Variants in CAP2 observed in about 807,000 individuals in gnomAD.
CAP2 encodes the protein cyclase associated actin cytoskeleton regulatory protein 2.
A neutral mutation model predicts 57.7 loss-of-function variants in CAP2; 24 were observed. The observed-to-expected ratio is 0.42, with a 90% CI of 0.30 to 0.58. The LOEUF (loss-of-function observed/expected upper bound fraction) is 0.58. Ranked by LOEUF, CAP2 falls within the 20% of genes least tolerant of loss-of-function variation. The pLI, the probability that CAP2 is intolerant of heterozygous loss-of-function variation, is 0.22. For missense variants in CAP2, 501 were observed against 590.3 expected, an observed-to-expected ratio of 0.85 and a Z score of 1.57; for synonymous variants, 194 against 207.2, an observed-to-expected ratio of 0.94 and a Z score of 0.55.
intron 6 of CAP2, among the ~76,000 whole-genome samples, chr6:17,509,006 C>A (rs1376085687): frequency 6.6e-6 from 1 of 152,134 alleles, no homozygotes; most frequent in Non-Finnish European, 1.5e-5. Flanking sequence ...CCGCCCACCT[C>A]AGCCTCCCAA....
At chr6:17,444,803 TCCACACACAC>T (rs1269469053) in intron 3 of CAP2, among the ~76,000 whole-genome samples, 1 of 76,522 alleles carries the variant, frequency 1.3e-5, no homozygotes, top group African/African-American at 4.5e-5. Flanking sequence ...TTTCTCTCTC[TCCACACACAC>T]ACACACACAC....
At chr6:17,471,574 T>C (rs1012536831) in intron 4 of CAP2, among the ~76,000 whole-genome samples, 1 of 152,204 alleles carries the variant, frequency 6.6e-6, no homozygotes, top group Non-Finnish European at 1.5e-5. Context: ...GGCTCAAGCC[T>C]GTAATCCCAG....
chr6:17,426,115 CAAAA>C (rs993664490), intron 2 of CAP2, among the ~76,000 whole-genome samples: 7 of 151,326 alleles, frequency 4.6e-5, no homozygotes, highest in African/African-American at 1.7e-4. Flanking sequence ...AACAAACAAA[CAAAA>C]AAACCAAACA....
In CAP2 at chr6:17,406,398, C is replaced by CTTTTTTTTTTTTTTTTTTTTTTTTTTTTT. The variant is rs777803474; in HGVS notation, c.-2+12667_-2+12668insTTTTTTTTTTTTTTTTTTTTTTTTTTTTT. The stretch of plus-strand genomic sequence containing the variant: ...CTTTTCTGTCAGTAAGCCCAGATTT[C>CTTTTTTTTTTTTTTTTTTTTTTTTTTTTT]TTTTTTTTTTTTTTTGAGGCAGTCT... On this transcript the variant is annotated intron_variant, in intron 1 of 12. Coordinates refer to ENST00000229922, the MANE Select transcript of CAP2 (RefSeq NM_006366.3). Among the ~76,000 whole-genome samples, 12 of 102,474 alleles carry CTTTTTTTTTTTTTTTTTTTTTTTTTTTTT rather than the reference C, an allele frequency of 1.2e-4. 4 individuals are homozygous for CTTTTTTTTTTTTTTTTTTTTTTTTTTTTT. Among genetic ancestry groups the CTTTTTTTTTTTTTTTTTTTTTTTTTTTTT allele is most frequent in the African/African-American group, 6.5e-4 (11 of 17,006 alleles). 67.2% of individuals were successfully genotyped at this position (102,474 alleles called of 152,430 possible).
rs188676337 is a variant in CAP2, at chr6:17,453,519, G to T, written c.223-9477G>T. ...CCCGTAATTAATTTTCAGTCACGTT[G>T]CCTTGACCACAGTGAACGGAATCCT... is the stretch of plus-strand genomic sequence containing the variant. On this transcript the variant is annotated intron_variant, in intron 3 of 12. Transcript: ENST00000229922. Among the ~76,000 whole-genome samples, 581 of 152,250 alleles carry T rather than the reference G, an allele frequency of 3.8e-3. 5 individuals are homozygous for T. Among genetic ancestry groups the T allele is most frequent in the Non-Finnish European group, 3.6e-3 (246 of 68,026 alleles).
At chr6:17,503,077 G>C (rs1267351517) in intron 4 of CAP2, among the ~76,000 whole-genome samples, 1 of 152,176 alleles carries the variant, frequency 6.6e-6, no homozygotes, top group Non-Finnish European at 1.5e-5. Context: ...GTGTTTAGAG[G>C]GGTTTTTGTT....
chr6:17,451,078 A>G (rs1245609967), intron 3 of CAP2, among the ~76,000 whole-genome samples: 3 of 152,146 alleles, frequency 2.0e-5, no homozygotes, highest in African/African-American at 7.2e-5. Flanking sequence ...ACACATGGAC[A>G]CTTCAGAAAG....
chr6:17,443,018 G>A (rs1760135020), intron 3 of CAP2, among the ~76,000 whole-genome samples: 1 of 151,922 alleles, frequency 6.6e-6, no homozygotes, highest in Non-Finnish European at 1.5e-5. Flanking sequence ...GCCCCGGCTG[G>A]CCCCATCACT....
rs1759192872 is a variant in CAP2, at chr6:17,413,456, T to A, written c.-1-8099T>A. 1.3e-5 allele frequency among the ~76,000 whole-genome samples: 2 copies of A among 152,192 alleles called. 1 individual carries two copies. The highest frequency in any genetic ancestry group is 2.9e-5 in the Non-Finnish European group (2 of 68,030). ...TAGTTAAACAGCTTCCTGGCTTGAC[T>A]GAGCAGGGTTTGCTTTCAGCCCCCT... On this transcript the variant is annotated intron_variant, in intron 1 of 12. Transcript: ENST00000229922.
At chr6:17,453,483 T>G (rs772044641) in intron 3 of CAP2, among the ~76,000 whole-genome samples, 7 of 152,332 alleles carry the variant, frequency 4.6e-5, no homozygotes, top group Non-Finnish European at 1.0e-4. Context: ...CCCTCACCAG[T>G]AAAGTCAGCT....
intron 7 of CAP2, chr6:17,531,132 G>A: frequency 1.3e-6 from 1 of 762,876 alleles, no homozygotes; most frequent in Non-Finnish European, 2.4e-6. Context: ...AGCCTCATCT[G>A]TCAAAGCAAT....
At chr6:17,418,490 G>A (rs1023027909) in intron 1 of CAP2, among the ~76,000 whole-genome samples, 1 of 151,968 alleles carries the variant, frequency 6.6e-6, no homozygotes, top group Non-Finnish European at 1.5e-5. Flanking sequence ...TTCAACATAC[G>A]GAGCACTATG....
chr6:17,488,141 C>G (rs1761462862), intron 4 of CAP2, among the ~76,000 whole-genome samples: 1 of 152,116 alleles, frequency 6.6e-6, no homozygotes, highest in South Asian at 2.1e-4. Flanking sequence ...CTCCTGGACT[C>G]AAGTGATCCT....
chr6:17,444,804 C>CCACACACACACACACA (rs142931025), intron 3 of CAP2, among the ~76,000 whole-genome samples: 108 of 140,516 alleles, frequency 7.7e-4, no homozygotes, highest in African/African-American at 2.6e-3. Context: ...TTCTCTCTCT[C>CCACACACACACACACA]CACACACACA....
chr6:17,457,738 A>G (rs1760612739), intron 3 of CAP2, among the ~76,000 whole-genome samples: 1 of 152,210 alleles, frequency 6.6e-6, no homozygotes, highest in Admixed American at 6.5e-5. Context: ...AATTAATGAA[A>G]TTGGCCATCT....
intron 7 of CAP2, among the ~76,000 whole-genome samples, chr6:17,520,006 A>G (rs1762354158): frequency 6.6e-6 from 1 of 152,244 alleles, no homozygotes; most frequent in Non-Finnish European, 1.5e-5. Context: ...CAAATAAGAT[A>G]TAATTATTTG....
chr6:17,484,853 G>A (rs909519857), intron 4 of CAP2, among the ~76,000 whole-genome samples: 3 of 152,184 alleles, frequency 2.0e-5, no homozygotes, highest in African/African-American at 7.2e-5. Context: ...GATGCATTGT[G>A]TCATTGTCTC....
At chr6:17,506,145 C>T (rs1398074757) in intron 4 of CAP2, among the ~76,000 whole-genome samples, 4 of 152,124 alleles carry the variant, frequency 2.6e-5, no homozygotes, top group Admixed American at 6.5e-5. Flanking sequence ...GCGATCTTCC[C>T]GCCTAAGCCT....
chr6:17,461,514 G>A (rs903892156), intron 3 of CAP2, among the ~76,000 whole-genome samples: 3 of 151,646 alleles, frequency 2.0e-5, no homozygotes, highest in Non-Finnish European at 4.4e-5. Flanking sequence ...GGCATGAGCC[G>A]CCATGCCTTG....
Sources: allele counts gnomAD v4.1 joint callset (sites outside exome capture counted in the v4.1 genomes callset), GRCh38; gene constraint gnomAD v4.1.1; transcripts MANE v1.5; gene names NCBI Gene and HGNC (gene_info 2026-07-23, HGNC 2026-07-21).